Variants in XPO4 observed in about 807,000 individuals in gnomAD.
XPO4 encodes exportin-4.
XPO4 carries 39 observed loss-of-function variants against 143.0 expected under a neutral mutation model. The ratio of observed to expected loss-of-function variants is 0.27; its 90% CI spans 0.21 to 0.36. The LOEUF (loss-of-function observed/expected upper bound fraction) is 0.36, where lower values mean the gene tolerates loss of function less well. Among genes scored for constraint, XPO4 ranks in the 10% least tolerant of loss-of-function variants. XPO4 has a pLI of 1.00. For missense variants in XPO4, 907 were observed against 1,348.0 expected (o/e 0.67, Z 5.12); for synonymous variants, 439 against 474.0 (o/e 0.93, Z 0.96).
intron 18 of XPO4, among the ~76,000 whole-genome samples, chr13:20,794,917 G>A (rs2059335834): frequency 8.3e-6 from 1 of 119,810 alleles, no homozygotes; most frequent in African/African-American, 2.6e-5. Context: ...CTAGTTAACT[G>A]CAAAAAAAAT....
intron 22 of XPO4, among the ~76,000 whole-genome samples, chr13:20,785,847 TGGAAG>T (rs2059194623): frequency 2.0e-5 from 1 of 50,692 alleles, no homozygotes; most frequent in Non-Finnish European, 3.6e-5. Context: ...GACAAGAGGG[TGGAAG>T]GGAACGGGGG....
chr13:20,831,805 T>A (rs1460014166), intron 6 of XPO4, among the ~76,000 whole-genome samples: 3 of 10,176 alleles, frequency 2.9e-4, no homozygotes, highest in African/African-American at 8.2e-4. Flanking sequence ...AGTACAGTGA[T>A]TTTTTTTTTT....
At chr13:20,850,129 T>A (rs2060068540) in intron 4 of XPO4, 1 of 984,884 alleles carries the variant, frequency 1.0e-6, no homozygotes, top group Admixed American at 6.2e-5. Flanking sequence ...CACAAATGAT[T>A]AGTTTCACTC....
chr13:20,840,252 A>C (rs1036065502), intron 6 of XPO4, among the ~76,000 whole-genome samples: 1 of 151,986 alleles, frequency 6.6e-6, no homozygotes, highest in Non-Finnish European at 1.5e-5. Flanking sequence ...TCTGTCGCCC[A>C]GGGTGAGTGC....
chr13:20,880,883 G>A (rs2060402246), intron 1 of XPO4, among the ~76,000 whole-genome samples: 1 of 151,614 alleles, frequency 6.6e-6, no homozygotes, highest in Non-Finnish European at 1.5e-5. Context: ...ACTTGAGCCT[G>A]GGAGGTCAAG....
chr13:20,789,511 C>T (rs1328901529), intron 19 of XPO4, among the ~76,000 whole-genome samples: 1 of 151,602 alleles, frequency 6.6e-6, no homozygotes, highest in African/African-American at 2.4e-5. Context: ...TCTCCTGCCT[C>T]AGCCTCCTGA....
intron 1 of XPO4, among the ~76,000 whole-genome samples, chr13:20,873,644 T>C (rs898810639): frequency 6.6e-6 from 1 of 152,134 alleles, no homozygotes; most frequent in Non-Finnish European, 1.5e-5. Context: ...AGCACCTTTC[T>C]TTTTTTGAGA....
chr13:20,897,439 G>GGGTT (rs2060580212), intron 1 of XPO4, among the ~76,000 whole-genome samples: 1 of 152,116 alleles, frequency 6.6e-6, no homozygotes. Context: ...TTCAGCTTAA[G>GGGTT]GGTTACCTAT....
chr13:20,851,157 A>G (rs758990858), intron 4 of XPO4: 61 of 985,388 alleles, frequency 6.2e-5, no homozygotes, highest in East Asian at 1.1e-4. Context: ...TTAACAGTCC[A>G]AGAAGAAGAG....
At chr13:20,894,847 A>AG (rs1204153069) in intron 1 of XPO4, among the ~76,000 whole-genome samples, 8 of 122,608 alleles carry the variant, frequency 6.5e-5, no homozygotes, top group African/African-American at 1.3e-4. Flanking sequence ...TTCATCTCAA[A>AG]GAAAAAAAAA....
At chr13:20,855,555 C>T (rs1378219700) in intron 4 of XPO4, 72 bp downstream of exon 4, 2 of 1,326,714 alleles carry the variant, frequency 1.5e-6, no homozygotes, top group Non-Finnish European at 1.9e-6. Context: ...ATCCATTACT[C>T]TTGCTATAAT....
intron 20 of XPO4, 152 bp downstream of exon 20, chr13:20,788,334 G>A: frequency 1.0e-6 from 1 of 975,436 alleles, no homozygotes; most frequent in Non-Finnish European, 1.4e-6. Context: ...TGGAATTACA[G>A]GTGTGAGCCA....
At chr13:20,899,468 C>T (rs1418565140) in intron 1 of XPO4, among the ~76,000 whole-genome samples, 1 of 152,026 alleles carries the variant, frequency 6.6e-6, no homozygotes, top group East Asian at 1.9e-4. Flanking sequence ...CCTCTTTGAA[C>T]CTCAGTTTCC....
At chr13:20,801,155 T>A (rs2059427392) in intron 13 of XPO4, among the ~76,000 whole-genome samples, 165 bp from the exon 14 acceptor site, 1 of 152,206 alleles carries the variant, frequency 6.6e-6, no homozygotes. Context: ...TCCCATATTA[T>A]TTCTGATCTT....
At position 20,865,494 on chromosome 13, in the gene XPO4, C is replaced by T. The variant is rs2060237180; in HGVS notation, c.176-2636G>A. On this transcript the variant is annotated intron_variant, in intron 2 of 22. Transcript: ENST00000255305. ...ATCTGCCACTGACTAGGACACTGTC[C>T]AGAGAATAAATTATTTTAGGTCACT... 5 of 985,284 alleles carry T rather than the reference C, an allele frequency of 5.1e-6. No homozygotes were observed. The East Asian group carries it at 3.4e-4, about 67-fold the overall frequency. The allele number at this position is 985,284 out of a possible 1,614,324, so 61.0% of individuals were successfully genotyped here. A position where few individuals can be genotyped will look rare whatever the true frequency, so the allele number is the denominator to read the frequency against.
intron 1 of XPO4, among the ~76,000 whole-genome samples, chr13:20,882,613 C>T (rs1028621198): frequency 2.0e-5 from 3 of 152,050 alleles, no homozygotes; most frequent in Admixed American, 2.0e-4. Flanking sequence ...ATTGGCCAGG[C>T]GCAGTGGCTC....
intron 1 of XPO4, among the ~76,000 whole-genome samples, chr13:20,897,763 C>A (rs1350636766): frequency 6.6e-6 from 1 of 152,000 alleles, no homozygotes; most frequent in African/African-American, 2.4e-5. Context: ...TTTATTTATT[C>A]TATTTTTTTG....
intron 1 of XPO4, among the ~76,000 whole-genome samples, chr13:20,895,979 A>G (rs765262216): frequency 6.6e-5 from 10 of 152,198 alleles, no homozygotes; most frequent in Admixed American, 1.3e-4. Flanking sequence ...AAGTATTTCC[A>G]TAAACTGAAT....
chr13:20,822,174 T>A lies in XPO4; in HGVS notation c.956A>T (p.Tyr319Phe), dbSNP rs755119143. Residue 319 changes from tyrosine to phenylalanine, a missense_variant, in exon 8 of 23, where the codon TAT (tyrosine) becomes TTT (phenylalanine). Coordinates refer to ENST00000255305, the MANE Select transcript of XPO4 (RefSeq NM_022459.5). ...IFPDEGSQVD[Y>F]LAHFIEGLLN... ...TAATCCCTCAATGAAGTGTGCTAGA[T>A]AATCAACTTGTGATCCTTCATCTGG... 1 of 1,614,018 alleles carries A rather than the reference T, an allele frequency of 6.2e-7. No homozygotes were observed. The highest frequency in any genetic ancestry group is 8.5e-7 in the Non-Finnish European group (1 of 1,179,904).
Sources: gnomAD v4.1 joint callset for allele counts (sites outside exome capture counted in the v4.1 genomes callset) on GRCh38, gnomAD v4.1.1 for gene constraint, MANE v1.5 for transcripts, NCBI Gene and HGNC (gene_info 2026-07-23, HGNC 2026-07-21) for gene names.